Variants in COL5A1 observed in about 807,000 individuals in gnomAD.
COL5A1 encodes collagen type V alpha 1 chain.
A neutral mutation model predicts 263.7 loss-of-function variants in COL5A1; 16 were observed. That is an observed-to-expected ratio of 0.06 (90% CI 0.04 to 0.09). The LOEUF is 0.09. COL5A1 is among the 10% of genes least tolerant of loss of function. The pLI is 1.00. For synonymous variants in COL5A1, 1,012 were observed against 1,004.5 expected, an observed-to-expected ratio of 1.01 and a Z score of -0.14; for missense variants, 2,036 against 2,540.5, an observed-to-expected ratio of 0.80 and a Z score of 4.27.
At chr9:134,710,151 G>T (rs1833972841) in intron 4 of COL5A1, among the ~76,000 whole-genome samples, 1 of 152,232 alleles carries the variant, frequency 6.6e-6, no homozygotes, top group Non-Finnish European at 1.5e-5. Flanking sequence ...CTGGAAAGTG[G>T]GGATGTTAGG....
rs535124046 is a variant in COL5A1 at position 134,809,372 on chromosome 9, G to A, written c.3474+82G>A. Reference sequence around the variant, plus strand: ...GGAGGGTGGTGAATTTAAAGGACAGGATGCTGGCAGGTAGAGCGGCTCAGC... The same window carrying A: ...GGAGGGTGGTGAATTTAAAGGACAGAATGCTGGCAGGTAGAGCGGCTCAGC... On this transcript the variant is annotated intron_variant, in intron 43 of 65. Coordinates refer to ENST00000371817, the MANE Select transcript of COL5A1 (RefSeq NM_000093.5). 390 of 1,094,800 alleles carry A rather than the reference G, an allele frequency of 3.6e-4. 1 individual carries two copies. In the African/African-American group the frequency reaches 4.6e-3, roughly 13 times the overall value. The allele number at this position is 1,094,800 out of a possible 1,614,324, so 67.8% of individuals were successfully genotyped here. A position where few individuals can be genotyped will look rare whatever the true frequency, so the allele number is the denominator to read the frequency against.
At chr9:134,760,999 G>A (rs997866920) in intron 18 of COL5A1, among the ~76,000 whole-genome samples, 2 of 105,438 alleles carry the variant, frequency 1.9e-5, no homozygotes, top group Non-Finnish European at 3.6e-5. Context: ...ACACATACAC[G>A]TGCACACCAG....
At chr9:134,829,285 C>G (rs946583372) in intron 63 of COL5A1, among the ~76,000 whole-genome samples, 1 of 150,342 alleles carries the variant, frequency 6.7e-6, no homozygotes, top group Non-Finnish European at 1.5e-5. Flanking sequence ...CTCACATGGC[C>G]TCCAGTCTCT....
intron 1 of COL5A1, among the ~76,000 whole-genome samples, chr9:134,672,376 A>G (rs1272824522): frequency 6.6e-6 from 1 of 152,250 alleles, no homozygotes; most frequent in Non-Finnish European, 1.5e-5. Context: ...GTTGGTTTCT[A>G]TTAAGTATAA....
rs908642088 is a variant in COL5A1, at chr9:134,765,041, C to T, written c.2035-640C>T. On this transcript the variant is annotated intron_variant, in intron 20 of 65. Transcript: ENST00000371817. This position sits in a 1 kb window ranked among gnomAD's most constrained non-coding sequence, Gnocchi z 5.1. ...AGTGCCCTGTGGCAGGCAGTTCTCC[C>T]GGAATCTCACTCCACCTGCGGTAAA... Among the ~76,000 whole-genome samples, 2 of 152,000 alleles carry T rather than the reference C, an allele frequency of 1.3e-5. No individual in the cohort carries two copies. The highest frequency in any genetic ancestry group is 2.4e-5 in the African/African-American group (1 of 41,472).
At chr9:134,785,957 A>T (rs1442014668) in intron 30 of COL5A1, 38 bp from the exon 31 acceptor site, 1 of 1,580,376 alleles carries the variant, frequency 6.3e-7, no homozygotes, top group Admixed American at 1.7e-5. Flanking sequence ...ATGGAGCAAT[A>T]CCGTGCTGGC....
rs369399258 is a variant in COL5A1, at chr9:134,758,167, C to T, written c.1882-76C>T. 1.3e-6 allele frequency: 2 copies of T among 1,495,446 alleles called. No individual in the cohort carries two copies. Among genetic ancestry groups the T allele is most frequent in the South Asian group, 1.1e-5 (1 of 88,720 alleles). The allele number at this position is 1,495,446 out of a possible 1,614,324, so 92.6% of individuals were successfully genotyped here. ...ACGTGGTCCAAGGCGGGGCGGCCAT[C>T]ACTTGGTGGACACCAAGGCGGGGTG... On this transcript the variant is annotated intron_variant, in intron 17 of 65. Coordinates refer to ENST00000371817, the MANE Select transcript of COL5A1 (RefSeq NM_000093.5). This position sits in a 1 kb window ranked among gnomAD's most constrained non-coding sequence, Gnocchi z 4.1.
At chr9:134,766,612 G>A in intron 22 of COL5A1, 114 bp downstream of exon 22, 1 of 1,103,680 alleles carries the variant, frequency 9.1e-7, no homozygotes, top group Non-Finnish European at 1.3e-6. Flanking sequence ...TGAAGGGCAG[G>A]TTGCAGACCC....
intron 2 of COL5A1, among the ~76,000 whole-genome samples, chr9:134,691,416 G>T (rs776392372): frequency 6.6e-5 from 10 of 152,208 alleles, no homozygotes; most frequent in Non-Finnish European, 1.2e-4. Flanking sequence ...GGTCCTGAGG[G>T]ATGAGGTTGA....
chr9:134,808,057 G>T (rs927394791), intron 42 of COL5A1, among the ~76,000 whole-genome samples: 2 of 152,184 alleles, frequency 1.3e-5, no homozygotes, highest in East Asian at 3.9e-4. Context: ...AGCCCCACAC[G>T]TGGTCTTTGC....
rs756422575 is a variant in COL5A1 at position 134,835,221 on chromosome 9, G to A, written c.5370+17G>A. On this transcript the variant is annotated intron_variant, in intron 65 of 65. Coordinates refer to ENST00000371817, the MANE Select transcript of COL5A1 (RefSeq NM_000093.5). ...GGCTGTGCTGTGAGTATCCCGCGCC[G>A]CGCCCAGCACCCCTGCTCACGCCTC... 20 of 1,606,128 alleles carry A rather than the reference G, an allele frequency of 1.2e-5. No individual in the cohort carries two copies. The highest frequency in any genetic ancestry group is 1.5e-5 in the Non-Finnish European group (18 of 1,174,520).
In COL5A1 at chr9:134,814,923, CCT is replaced by C; in HGVS notation, c.4014+21_4014+22del. ...CAGCCCTGTGAGTATTCCAGACACA[CCT>C]CAGGGGCCCTGCAGCAGGGGCGGGG... On this transcript the variant is annotated intron_variant, in intron 50 of 65. Transcript: ENST00000371817. 1 of 1,517,336 alleles carries C rather than the reference CCT, an allele frequency of 6.6e-7. No homozygotes were observed. Among genetic ancestry groups the C allele is most frequent in the Non-Finnish European group, 9.0e-7 (1 of 1,116,958 alleles). 94.0% of individuals were successfully genotyped at this position (1,517,336 alleles called of 1,614,324 possible).
At chr9:134,689,551 A>G (rs1833199089) in intron 1 of COL5A1, among the ~76,000 whole-genome samples, 1 of 152,178 alleles carries the variant, frequency 6.6e-6, no homozygotes, top group African/African-American at 2.4e-5. Context: ...TCCTCAGGCA[A>G]GCACTCTCCA....
chr9:134,821,864 C>T lies in COL5A1; in HGVS notation c.4555-233C>T, dbSNP rs186814483. Among the ~76,000 whole-genome samples, 32 of 152,310 alleles carry T rather than the reference C, an allele frequency of 2.1e-4. No homozygotes were observed. The East Asian group carries it at 2.5e-3, about 12-fold the overall frequency. On this transcript the variant is annotated intron_variant, in intron 58 of 65. Transcript: ENST00000371817. The surrounding 1 kb of genome is among the most constrained non-coding windows in gnomAD (Gnocchi z 4.2). The stretch of plus-strand genomic sequence containing the variant: ...GAGAGTGAGTTCCTGGCAGCCCAGC[C>T]GGGGGAGCAGTGCCGAGGGCTGGCA...
intron 54 of COL5A1, 107 bp downstream of exon 54, chr9:134,817,938 A>T: frequency 8.5e-7 from 1 of 1,177,474 alleles, no homozygotes; most frequent in South Asian, 1.3e-5. Flanking sequence ...GGAGGCTGAG[A>T]GTGGCTGCCC....
chr9:134,645,089 G>C lies in COL5A1; in HGVS notation c.109+2793G>C, dbSNP rs537024500. The stretch of plus-strand genomic sequence containing the variant: ...ATTTGCCGGAGGGGTTGGAGTTTTG[G>C]TTGCTACCCAGGGCTGTGCCCACCC... On this transcript the variant is annotated intron_variant, in intron 1 of 65. Transcript: ENST00000371817. Among the ~76,000 whole-genome samples the C allele has an allele frequency of 1.2e-4, 19 of 152,278 alleles. No homozygotes were observed. In the East Asian group the frequency reaches 3.7e-3, roughly 29 times the overall value.
At chr9:134,825,934 G>C (rs1330584344) in intron 63 of COL5A1, 30 bp downstream of exon 63, 5 of 1,468,970 alleles carry the variant, frequency 3.4e-6, no homozygotes, top group Non-Finnish European at 4.8e-6. Flanking sequence ...CATGGCCCCA[G>C]CGGGGCAGGC....
chr9:134,798,482 G>C, intron 37 of COL5A1, 21 bp downstream of exon 37: 1 of 1,613,522 alleles, frequency 6.2e-7, no homozygotes, highest in Non-Finnish European at 8.5e-7. Flanking sequence ...AGGGTGCTGG[G>C]GGACGTGGCT....
intron 1 of COL5A1, among the ~76,000 whole-genome samples, chr9:134,646,406 C>T (rs1376119489): frequency 1.3e-5 from 2 of 152,196 alleles, no homozygotes; most frequent in East Asian, 3.9e-4. Flanking sequence ...AAATGACCCT[C>T]CTTCGTGGGG....
Sources: gnomAD v4.1 joint callset for allele counts (sites outside exome capture counted in the v4.1 genomes callset) on GRCh38, gnomAD v4.1.1 for gene constraint, Gnocchi (gnomAD v3.1) non-coding constraint, MANE v1.5 for transcripts, NCBI Gene and HGNC (gene_info 2026-07-23, HGNC 2026-07-21) for gene names.